Variants in EFCAB11 observed in about 807,000 individuals in gnomAD.
EFCAB11 encodes EF-hand calcium-binding domain-containing protein 11.
EFCAB11 carries 14 observed loss-of-function variants against 23.0 expected under a neutral mutation model. The ratio of observed to expected loss-of-function variants is 0.61; its 90% CI spans 0.40 to 0.95. The LOEUF (loss-of-function observed/expected upper bound fraction) is 0.95, where lower values mean the gene tolerates loss of function less well. Ranked by LOEUF, EFCAB11 falls within the 40% of genes least tolerant of loss-of-function variation. The probability of loss-of-function intolerance (pLI) is 0.00; values close to 1 mark genes in which losing one functional copy is unlikely to be tolerated. For synonymous variants in EFCAB11, 65 were observed against 66.6 expected, an observed-to-expected ratio of 0.98 and a Z score of 0.11; for missense variants, 198 against 195.8, an observed-to-expected ratio of 1.01 and a Z score of -0.07.
intron 5 of EFCAB11, among the ~76,000 whole-genome samples, chr14:89,858,063 C>A (rs1887809484): frequency 6.6e-6 from 1 of 152,180 alleles, no homozygotes; most frequent in Admixed American, 6.5e-5. Context: ...AAACTATGTC[C>A]ACAAATGCTT....
At chr14:89,853,087 T>C (rs1053591644) in intron 5 of EFCAB11, among the ~76,000 whole-genome samples, 1 of 152,238 alleles carries the variant, frequency 6.6e-6, no homozygotes, top group Non-Finnish European at 1.5e-5. Context: ...TTACATTCCA[T>C]CTGTTTGCCT....
intron 5 of EFCAB11, among the ~76,000 whole-genome samples, chr14:89,896,148 G>A (rs901062671): frequency 6.6e-6 from 1 of 152,154 alleles, no homozygotes; most frequent in African/African-American, 2.4e-5. Flanking sequence ...CACTTTCGGA[G>A]GCCGAGGCGG....
At chr14:89,870,421 A>C (rs1297718254) in intron 5 of EFCAB11, among the ~76,000 whole-genome samples, 5 of 152,064 alleles carry the variant, frequency 3.3e-5, no homozygotes, top group Admixed American at 1.3e-4. Flanking sequence ...ACTACCCTCC[A>C]CTCTACTAAA....
chr14:89,875,601 T>C (rs1293203581), intron 5 of EFCAB11, among the ~76,000 whole-genome samples: 1 of 152,106 alleles, frequency 6.6e-6, no homozygotes, highest in African/African-American at 2.4e-5. Context: ...GGGTAAATGG[T>C]GGTATCATGA....
intron 5 of EFCAB11, among the ~76,000 whole-genome samples, chr14:89,930,722 A>G (rs1339647355): frequency 6.6e-6 from 1 of 152,220 alleles, no homozygotes; most frequent in Non-Finnish European, 1.5e-5. Flanking sequence ...CTGTGTGGTC[A>G]ACATTCGCCC....
At chr14:89,949,361 TTTTA>T (rs1360987516) in intron 3 of EFCAB11, among the ~76,000 whole-genome samples, 4 of 152,032 alleles carry the variant, frequency 2.6e-5, no homozygotes, top group African/African-American at 9.7e-5. Context: ...GCTATATAGT[TTTTA>T]TTTATTTATT....
chr14:89,836,043 G>C (rs1887069150), intron 5 of EFCAB11, among the ~76,000 whole-genome samples: 1 of 152,164 alleles, frequency 6.6e-6, no homozygotes, highest in Non-Finnish European at 1.5e-5. Context: ...GATAAACAAG[G>C]GTGCTAGGAA....
chr14:89,890,324 G>A (rs776043858), intron 5 of EFCAB11, among the ~76,000 whole-genome samples: 30 of 152,060 alleles, frequency 2.0e-4, no homozygotes, highest in Non-Finnish European at 4.3e-4. Context: ...CAATATAAGA[G>A]CAATAAAAGG....
intron 5 of EFCAB11, among the ~76,000 whole-genome samples, chr14:89,847,454 T>C (rs1404208407): frequency 2.0e-5 from 3 of 152,052 alleles, no homozygotes; most frequent in African/African-American, 7.2e-5. Flanking sequence ...GAATGCAGAC[T>C]CTAGACTGGG....
intron 5 of EFCAB11, among the ~76,000 whole-genome samples, chr14:89,845,630 C>G (rs1887407324): frequency 6.6e-6 from 1 of 152,134 alleles, no homozygotes; most frequent in Non-Finnish European, 1.5e-5. Flanking sequence ...AAGGAGTGCC[C>G]AGAGGATTAA....
intron 5 of EFCAB11, among the ~76,000 whole-genome samples, chr14:89,834,992 A>G (rs1159606388): frequency 6.6e-6 from 1 of 152,226 alleles, no homozygotes; most frequent in Non-Finnish European, 1.5e-5. Flanking sequence ...ATCATCCCCC[A>G]TCACCCTCAT....
intron 5 of EFCAB11, among the ~76,000 whole-genome samples, chr14:89,814,773 G>A (rs1886275582): frequency 6.6e-6 from 1 of 151,942 alleles, no homozygotes; most frequent in South Asian, 2.1e-4. Context: ...TCAGATGCAC[G>A]AAGCTGCTTT....
chr14:89,831,138 T>C (rs1167924051), intron 5 of EFCAB11: 2 of 152,194 alleles, frequency 1.3e-5, no homozygotes, highest in East Asian at 3.9e-4. Context: ...TGCTGAGAGG[T>C]GGTCAGAGTC....
At chr14:89,842,497 C>T (rs1428248862) in intron 5 of EFCAB11, among the ~76,000 whole-genome samples, 1 of 152,194 alleles carries the variant, frequency 6.6e-6, no homozygotes, top group African/African-American at 2.4e-5. Context: ...ATCACTTGAA[C>T]CCAGGAGGCG....
chr14:89,801,335 G>A (rs1885774211), intron 5 of EFCAB11, among the ~76,000 whole-genome samples: 1 of 152,196 alleles, frequency 6.6e-6, no homozygotes, highest in Non-Finnish European at 1.5e-5. Flanking sequence ...GTGACTTTGG[G>A]GTGTCAGTGT....
chr14:89,846,893 G>C (rs530603694), intron 5 of EFCAB11, among the ~76,000 whole-genome samples: 7 of 152,250 alleles, frequency 4.6e-5, no homozygotes, highest in Non-Finnish European at 8.8e-5. Flanking sequence ...TCTTCTACCA[G>C]GCTTTGGATC....
intron 5 of EFCAB11, among the ~76,000 whole-genome samples, chr14:89,817,032 A>C (rs776063666): frequency 1.3e-5 from 2 of 152,128 alleles, no homozygotes; most frequent in Non-Finnish European, 2.9e-5. Flanking sequence ...CCAATAATAA[A>C]AGTATAAATA....
chr14:89,812,090 G>T (rs555508091), intron 5 of EFCAB11, among the ~76,000 whole-genome samples: 1 of 152,224 alleles, frequency 6.6e-6, no homozygotes, highest in Admixed American at 6.5e-5. Flanking sequence ...TATAAGCCTG[G>T]AAAGGAACAA....
intron 5 of EFCAB11, among the ~76,000 whole-genome samples, chr14:89,917,264 G>T (rs10130775): frequency 0.12 from 18,821 of 151,776 alleles, 3,227 homozygotes; most frequent in African/African-American, 0.39. Flanking sequence ...CCACTTCCCA[G>T]CCCCTGGCAA....
Sources: allele counts gnomAD v4.1 joint callset (sites outside exome capture counted in the v4.1 genomes callset), GRCh38; gene constraint gnomAD v4.1.1; transcripts MANE v1.5; gene names NCBI Gene and HGNC (gene_info 2026-07-23, HGNC 2026-07-21).